ALPK2: variants seen among roughly 807,000 people sequenced by gnomAD.
ALPK2 encodes alpha-protein kinase 2.
In ALPK2, 127 loss-of-function variants were observed where a neutral mutation model predicts 163.1. That is an observed-to-expected ratio of 0.78 (90% CI 0.67 to 0.90). ALPK2 has a LOEUF of 0.90. Ranked by LOEUF, ALPK2 falls within the 40% of genes least tolerant of loss-of-function variation. The probability of loss-of-function intolerance (pLI) is 0.00; values close to 1 mark genes in which losing one functional copy is unlikely to be tolerated. For missense variants in ALPK2, 2,360 were observed against 2,589.6 expected, an observed-to-expected ratio of 0.91 and a Z score of 1.92; for synonymous variants, 953 against 959.1, an observed-to-expected ratio of 0.99 and a Z score of 0.12.
intron 4 of ALPK2, among the ~76,000 whole-genome samples, chr18:58,551,120 A>AC (rs1284113018): frequency 2.6e-5 from 4 of 151,678 alleles, no homozygotes; most frequent in Non-Finnish European, 5.9e-5. Context: ...GAAAAAAAAA[A>AC]ACCCACATTT....
chr18:58,503,575 T>C (rs112232752), intron 11 of ALPK2, among the ~76,000 whole-genome samples: 10 of 152,278 alleles, frequency 6.6e-5, no homozygotes, highest in African/African-American at 2.4e-4. Flanking sequence ...AGAATGCATG[T>C]GCAGTCTCAG....
At chr18:58,566,129 T>C (rs1176807675) in intron 4 of ALPK2, among the ~76,000 whole-genome samples, 1 of 152,228 alleles carries the variant, frequency 6.6e-6, no homozygotes, top group East Asian at 1.9e-4. Flanking sequence ...ATGAAAATCA[T>C]TTTGAAAAAT....
chr18:58,580,369 C>G lies in ALPK2; in HGVS notation c.407G>C (p.Arg136Thr). Residue 136 changes from arginine (R) to threonine (T), a missense_variant, in exon 4 of 13, where the codon AGG becomes ACG. Physicochemically the swap from Arg to Thr is moderately conservative, Grantham distance 71. Transcript: ENST00000361673. Reference sequence around the variant, plus strand: ...TTCCTTCTCATCAATCTGATTTGCCCTTTCTTCTTCATGTGTCCCTGTTTC... The same window carrying G: ...TTCCTTCTCATCAATCTGATTTGCCGTTTCTTCTTCATGTGTCCCTGTTTC... ...KHETGTHEEE[R>T]ANQIDEKEHP... 1 of 1,614,136 alleles carries G rather than the reference C, an allele frequency of 6.2e-7. No individual in the cohort carries two copies.
intron 4 of ALPK2, among the ~76,000 whole-genome samples, chr18:58,567,241 G>A (rs980689144): frequency 6.6e-5 from 10 of 151,740 alleles, no homozygotes; most frequent in South Asian, 2.1e-4. Context: ...AAAAAAGGCC[G>A]GGCGTGATGG....
At chr18:58,576,789 G>A (rs1207889321) in intron 4 of ALPK2, among the ~76,000 whole-genome samples, 2 of 152,310 alleles carry the variant, frequency 1.3e-5, no homozygotes, top group Non-Finnish European at 2.9e-5. Flanking sequence ...TAGAAAGATC[G>A]TATTTCTAAC....
chr18:58,483,150 A>G (rs1021182067), intron 12 of ALPK2, among the ~76,000 whole-genome samples: 30 of 152,314 alleles, frequency 2.0e-4, no homozygotes, highest in Middle Eastern at 3.4e-3. Flanking sequence ...ACCGCAGATG[A>G]GCTCCTTTGT....
chr18:58,618,436 T>G (rs1404535004), intron 1 of ALPK2, among the ~76,000 whole-genome samples: 2 of 152,204 alleles, frequency 1.3e-5, no homozygotes, highest in African/African-American at 4.8e-5. Flanking sequence ...TGGATTCCTG[T>G]ACCTGCTCCC....
intron 4 of ALPK2, 185 bp from the exon 5 acceptor site, chr18:58,538,409 A>C: frequency 1.7e-6 from 1 of 597,148 alleles, no homozygotes; most frequent in Non-Finnish European, 2.8e-6. Context: ...TGCAAATTTA[A>C]GCAACTCTGT....
intron 6 of ALPK2, 95 bp from the exon 7 acceptor site, chr18:58,524,157 GCTCACATGTTTT>G: frequency 8.1e-6 from 12 of 1,483,966 alleles, no homozygotes; most frequent in African/African-American, 1.4e-5. Flanking sequence ...AGACTTCCCT[GCTCACATGTTTT>G]CAGCCAGTGA....
chr18:58,507,637 G>A (rs920622238), intron 10 of ALPK2, among the ~76,000 whole-genome samples: 2 of 152,160 alleles, frequency 1.3e-5, no homozygotes, highest in African/African-American at 4.8e-5. Context: ...CTCGAGCTGG[G>A]ACCTCAGGTT....
chr18:58,522,461 A>C (rs1434714509), intron 8 of ALPK2, among the ~76,000 whole-genome samples: 1 of 152,240 alleles, frequency 6.6e-6, no homozygotes, highest in Non-Finnish European at 1.5e-5. Context: ...AGATTCCACC[A>C]AACTGTGGAA....
At chr18:58,490,617 C>T (rs1469587943) in intron 12 of ALPK2, among the ~76,000 whole-genome samples, 1 of 152,048 alleles carries the variant, frequency 6.6e-6, no homozygotes, top group Non-Finnish European at 1.5e-5. Context: ...CTCATAGCCT[C>T]CCTGGCTGGA....
intron 9 of ALPK2, 39 bp from the exon 10 acceptor site, chr18:58,515,120 A>G (rs2051514496): frequency 1.3e-6 from 2 of 1,494,954 alleles, no homozygotes; most frequent in Non-Finnish European, 1.9e-6. Context: ...CAGTGACTAC[A>G]GGAAATTCAG....
At chr18:58,524,955 A>AC in intron 6 of ALPK2, among the ~76,000 whole-genome samples, 1 of 150,040 alleles carries the variant, frequency 6.7e-6, no homozygotes, top group Non-Finnish European at 1.5e-5. Flanking sequence ...CTACAGCAAA[A>AC]AAAAAAAAAA....
At chr18:58,612,192 C>T (rs115500017) in intron 1 of ALPK2, among the ~76,000 whole-genome samples, 3 of 152,122 alleles carry the variant, frequency 2.0e-5, no homozygotes, top group African/African-American at 4.8e-5. Flanking sequence ...CCCCAGAGCA[C>T]CCAGAGTTCC....
chr18:58,496,832 C>T (rs1022657492), intron 12 of ALPK2, among the ~76,000 whole-genome samples: 2 of 152,156 alleles, frequency 1.3e-5, no homozygotes, highest in Admixed American at 1.3e-4. Flanking sequence ...TCCAGAGAGC[C>T]TTTCATATAT....
intron 10 of ALPK2, among the ~76,000 whole-genome samples, chr18:58,510,431 G>T (rs2051484440): frequency 6.6e-6 from 1 of 152,218 alleles, no homozygotes; most frequent in African/African-American, 2.4e-5. Flanking sequence ...GAAAGTCATT[G>T]GTAGCTTGAT....
intron 4 of ALPK2, among the ~76,000 whole-genome samples, chr18:58,573,318 G>GTA (rs377185850): frequency 0.13 from 17,665 of 136,460 alleles, 1,500 homozygotes; most frequent in African/African-American, 0.18. Flanking sequence ...ATATATGTGT[G>GTA]TATATATGTA....
At chr18:58,518,804 A>G (rs139563639) in intron 8 of ALPK2, among the ~76,000 whole-genome samples, 1 of 151,910 alleles carries the variant, frequency 6.6e-6, no homozygotes, top group Admixed American at 6.6e-5. Context: ...GCCCTTACCT[A>G]CTCAAAGTCC....
Sources: allele counts gnomAD v4.1 joint callset (sites outside exome capture counted in the v4.1 genomes callset), GRCh38; gene constraint gnomAD v4.1.1; transcripts MANE v1.5; gene names NCBI Gene and HGNC (gene_info 2026-07-23, HGNC 2026-07-21).